BACE2: variants seen among roughly 807,000 people sequenced by gnomAD.
BACE2 encodes beta-secretase 2.
A neutral mutation model predicts 46.2 loss-of-function variants in BACE2; 17 were observed. The ratio of observed to expected loss-of-function variants is 0.37; its 90% CI spans 0.25 to 0.55. BACE2 has a LOEUF of 0.55. Ranked by LOEUF, BACE2 falls within the 20% of genes least tolerant of loss-of-function variation. The pLI is 0.82. For synonymous variants in BACE2, 277 were observed against 295.9 expected, an observed-to-expected ratio of 0.94 and a Z score of 0.66; for missense variants, 595 against 698.1, an observed-to-expected ratio of 0.85 and a Z score of 1.66.
In BACE2 at chr21:41,257,334, A is replaced by T; in HGVS notation, c.1303+8A>T. 1 of 1,612,316 alleles carries T rather than the reference A, an allele frequency of 6.2e-7. No individual in the cohort carries two copies. Among genetic ancestry groups the T allele is most frequent in the South Asian group, 1.1e-5 (1 of 90,996 alleles). ...CAGCGAGCCCCTGTGCAGGTGAGCG[A>T]TTCTGGCATCGAACAGGGATCCCCG... is the stretch of plus-strand genomic sequence containing the variant. On this transcript the variant is annotated splice_region_variant and intron_variant, in intron 8 of 8. Transcript: ENST00000330333.
chr21:41,244,893 ATGTG>A (rs58052575), intron 5 of BACE2, among the ~76,000 whole-genome samples: 2 of 144,690 alleles, frequency 1.4e-5, no homozygotes, highest in Non-Finnish European at 3.1e-5. Flanking sequence ...GTGTGTGTGT[ATGTG>A]TGTGTGTGTG....
chr21:41,255,814 C>T (rs1361214556), intron 7 of BACE2, among the ~76,000 whole-genome samples: 1 of 152,204 alleles, frequency 6.6e-6, no homozygotes, highest in Non-Finnish European at 1.5e-5. Context: ...AAAGTTTCAC[C>T]AGAAGGGTTT....
chr21:41,252,107 C>T (rs888346453), intron 7 of BACE2, among the ~76,000 whole-genome samples: 2 of 152,188 alleles, frequency 1.3e-5, no homozygotes, highest in African/African-American at 2.4e-5. Flanking sequence ...GATCAGTCTT[C>T]CTAAACCACC....
intron 8 of BACE2, among the ~76,000 whole-genome samples, chr21:41,266,492 G>A (rs763379752): frequency 1.3e-5 from 2 of 152,204 alleles, no homozygotes; most frequent in African/African-American, 2.4e-5. Flanking sequence ...CTGAGTGTCC[G>A]CAGACCATGA....
At chr21:41,232,391 G>C (rs1007497785) in intron 2 of BACE2, among the ~76,000 whole-genome samples, 1 of 152,216 alleles carries the variant, frequency 6.6e-6, no homozygotes, top group African/African-American at 2.4e-5. Flanking sequence ...TTTAGATTCA[G>C]TAAGAGTAGC....
At position 41,281,758 on chromosome 21, in the gene BACE2, T is replaced by G. The variant is rs1348769948; in HGVS notation, c.*6134T>G. The G allele has an allele frequency of 6.6e-6, 1 of 152,228 alleles. No homozygotes were observed. Among genetic ancestry groups the G allele is most frequent in the Non-Finnish European group, 1.5e-5 (1 of 68,036 alleles). The allele number at this position is 152,228 out of a possible 1,614,324, so 9.4% of individuals were successfully genotyped here. A position where few individuals can be genotyped will look rare whatever the true frequency, so the allele number is the denominator to read the frequency against. On this transcript the variant is annotated 3_prime_UTR_variant, in exon 9 of 9. Transcript: ENST00000330333. Reference sequence around the variant, plus strand: ...CACAAAATAACATTTCTTAACAAATTTAATACAATTTTGTGTTCTTTGTTG... The same window carrying G: ...CACAAAATAACATTTCTTAACAAATGTAATACAATTTTGTGTTCTTTGTTG...
At chr21:41,244,400 A>G (rs1987396129) in intron 5 of BACE2, among the ~76,000 whole-genome samples, 1 of 152,072 alleles carries the variant, frequency 6.6e-6, no homozygotes, top group South Asian at 2.1e-4. Flanking sequence ...CCACTTTATA[A>G]GATTTGGGTA....
At chr21:41,238,421 A>G (rs1987187473) in intron 3 of BACE2, among the ~76,000 whole-genome samples, 1 of 152,220 alleles carries the variant, frequency 6.6e-6, no homozygotes, top group African/African-American at 2.4e-5. Context: ...AGGCAGGGGA[A>G]TTTCCACCTG....
At chr21:41,200,097 A>C (rs1985907254) in intron 1 of BACE2, among the ~76,000 whole-genome samples, 1 of 151,390 alleles carries the variant, frequency 6.6e-6, no homozygotes, top group African/African-American at 2.4e-5. Flanking sequence ...TCAAATGATG[A>C]GTTGATGGGT....
intron 8 of BACE2, among the ~76,000 whole-genome samples, chr21:41,263,688 AC>A (rs1987996807): frequency 6.6e-6 from 1 of 152,146 alleles, no homozygotes; most frequent in Non-Finnish European, 1.5e-5. Flanking sequence ...TGAAGAAAAG[AC>A]CCTAGTTGGT....
At chr21:41,259,903 G>T (rs1987888678) in intron 8 of BACE2, among the ~76,000 whole-genome samples, 1 of 151,774 alleles carries the variant, frequency 6.6e-6, no homozygotes, top group African/African-American at 2.4e-5. Context: ...CATGATCAGG[G>T]CTCACTTTAG....
chr21:41,261,342 G>A (rs891956034), intron 8 of BACE2, among the ~76,000 whole-genome samples: 11 of 152,090 alleles, frequency 7.2e-5, no homozygotes, highest in Non-Finnish European at 2.9e-5. Flanking sequence ...CATTTTAGTT[G>A]ATTACTTTCA....
chr21:41,178,541 G>T, intron 1 of BACE2: 1 of 153,816 alleles, frequency 6.5e-6, no homozygotes, highest in South Asian at 2.0e-4. Flanking sequence ...TTCAAGATCA[G>T]CCTAGGCAAC....
chr21:41,192,844 G>A (rs8127013), intron 1 of BACE2, among the ~76,000 whole-genome samples: 197 of 152,320 alleles, frequency 1.3e-3, no homozygotes, highest in African/African-American at 4.5e-3. Context: ...TGTTCCCTCC[G>A]AAATCCAGAT....
intron 1 of BACE2, chr21:41,184,622 A>G (rs1445537948): frequency 6.0e-6 from 1 of 167,086 alleles, no homozygotes; most frequent in African/African-American, 2.4e-5. Context: ...TTTCTTGGGC[A>G]GCAGAGGGTA....
intron 8 of BACE2, among the ~76,000 whole-genome samples, chr21:41,265,926 T>C (rs992746549): frequency 5.9e-5 from 9 of 152,230 alleles, no homozygotes; most frequent in South Asian, 2.1e-4. Context: ...TAACTTGGCA[T>C]AGAATGTGTG....
At chr21:41,253,469 C>G (rs2123622465) in intron 7 of BACE2, among the ~76,000 whole-genome samples, 1 of 151,262 alleles carries the variant, frequency 6.6e-6, no homozygotes, top group Admixed American at 6.6e-5. Context: ...ATCACGTGCT[C>G]TTGATGATTA....
intron 7 of BACE2, chr21:41,252,588 A>G (rs1987672475): frequency 6.6e-6 from 1 of 152,172 alleles, no homozygotes; most frequent in South Asian, 2.1e-4. Context: ...TTTCGTTTTC[A>G]ATTAATTATA....
At chr21:41,170,679 A>G (rs1187360353) in intron 1 of BACE2, among the ~76,000 whole-genome samples, 2 of 152,212 alleles carry the variant, frequency 1.3e-5, no homozygotes, top group African/African-American at 2.4e-5. Flanking sequence ...TTCCTGCTCT[A>G]TTAATGGCCA....
Sources: allele counts gnomAD v4.1 joint callset (sites outside exome capture counted in the v4.1 genomes callset), GRCh38; gene constraint gnomAD v4.1.1; transcripts MANE v1.5; gene names NCBI Gene and HGNC (gene_info 2026-07-23, HGNC 2026-07-21).